GRK5: variants seen among roughly 807,000 people sequenced by gnomAD.
GRK5 encodes the protein g protein-coupled receptor kinase GRK5.
Under a neutral mutation model 78.4 loss-of-function variants are expected in GRK5, and 40 were observed. The observed-to-expected ratio is 0.51, with a 90% CI of 0.40 to 0.66. The LOEUF is 0.66. GRK5 is among the 30% of genes least tolerant of loss of function. The probability of loss-of-function intolerance (pLI) is 0.00; values close to 1 mark genes in which losing one functional copy is unlikely to be tolerated. For missense variants in GRK5, 598 were observed against 759.9 expected (o/e 0.79, Z 2.50); for synonymous variants, 289 against 296.8 (o/e 0.97, Z 0.27).
intron 4 of GRK5, among the ~76,000 whole-genome samples, chr10:119,416,313 T>A (rs376800207): frequency 1.3e-5 from 2 of 152,258 alleles, no homozygotes; most frequent in African/African-American, 4.8e-5. Context: ...TGCAGCCGCC[T>A]TGGCGACGCC....
At chr10:119,284,751 G>A (rs562259058) in intron 1 of GRK5, among the ~76,000 whole-genome samples, 21 of 152,340 alleles carry the variant, frequency 1.4e-4, no homozygotes, top group African/African-American at 4.8e-4. Flanking sequence ...GGAGGGTCAG[G>A]CCTGAGCCTG....
intron 2 of GRK5, among the ~76,000 whole-genome samples, chr10:119,362,148 C>A (rs1457946721): frequency 6.6e-6 from 1 of 152,174 alleles, no homozygotes; most frequent in Non-Finnish European, 1.5e-5. Flanking sequence ...AACCCTGTAA[C>A]AATCTGGTGT....
chr10:119,277,318 A>T (rs1041814802), intron 1 of GRK5, among the ~76,000 whole-genome samples: 1 of 152,162 alleles, frequency 6.6e-6, no homozygotes, highest in Non-Finnish European at 1.5e-5. Flanking sequence ...TGGCTCTCCA[A>T]ACTAGTTGTG....
chr10:119,232,157 A>G (rs901785042), intron 1 of GRK5, among the ~76,000 whole-genome samples: 1 of 152,252 alleles, frequency 6.6e-6, no homozygotes, highest in African/African-American at 2.4e-5. Context: ...GCCCTGAAGA[A>G]TGAAGTCTTG....
At chr10:119,222,801 AGT>A (rs1848677168) in intron 1 of GRK5, among the ~76,000 whole-genome samples, 1 of 152,176 alleles carries the variant, frequency 6.6e-6, no homozygotes, top group Admixed American at 6.5e-5. Flanking sequence ...GTCCTGTCAG[AGT>A]GTGGGAGGGA....
At chr10:119,453,100 C>G in intron 14 of GRK5, 45 bp from the exon 15 acceptor site, 1 of 1,270,348 alleles carries the variant, frequency 7.9e-7, no homozygotes, top group Non-Finnish European at 1.2e-6. Flanking sequence ...GGCTTCCTGA[C>G]TGCCCCAGTT....
At chr10:119,424,808 G>A (rs935891202) in intron 5 of GRK5, among the ~76,000 whole-genome samples, 185 bp from the exon 6 acceptor site, 11 of 152,170 alleles carry the variant, frequency 7.2e-5, no homozygotes, top group African/African-American at 2.7e-4. Context: ...CCCAACAAGT[G>A]TTGGCAGGAC....
chr10:119,259,447 A>G (rs1589706924), intron 1 of GRK5, among the ~76,000 whole-genome samples: 3 of 152,276 alleles, frequency 2.0e-5, no homozygotes, highest in African/African-American at 2.4e-5. Context: ...GTTTCTCTTC[A>G]TATGTTCCCA....
chr10:119,370,046 T>C (rs1296362143), intron 2 of GRK5, among the ~76,000 whole-genome samples: 1 of 152,150 alleles, frequency 6.6e-6, no homozygotes, highest in African/African-American at 2.4e-5. Context: ...GATGGTATAG[T>C]CCATGTCCTG....
chr10:119,448,073 A>C (rs760972538), intron 12 of GRK5, 50 bp from the exon 13 acceptor site: 1 of 1,489,780 alleles, frequency 6.7e-7, no homozygotes. Context: ...GGAGGTCCGG[A>C]CAGGAGGAGA....
chr10:119,290,590 C>T (rs1029839627), intron 1 of GRK5, among the ~76,000 whole-genome samples: 2 of 151,974 alleles, frequency 1.3e-5, no homozygotes, highest in Non-Finnish European at 1.5e-5. Flanking sequence ...GTCTTCCCTT[C>T]CCAGGTACCC....
intron 1 of GRK5, among the ~76,000 whole-genome samples, chr10:119,270,777 G>C (rs1308319421): frequency 6.6e-6 from 1 of 152,234 alleles, no homozygotes. Context: ...AGTTAAGTAG[G>C]GTTTTGTAGG....
chr10:119,390,404 C>T (rs773335341), intron 3 of GRK5, among the ~76,000 whole-genome samples: 10 of 152,180 alleles, frequency 6.6e-5, no homozygotes, highest in South Asian at 2.1e-4. Context: ...ACCATCAGAT[C>T]GGGCCAGGTG....
intron 3 of GRK5, among the ~76,000 whole-genome samples, chr10:119,386,657 C>T (rs570139124): frequency 8.5e-5 from 13 of 152,232 alleles, no homozygotes; most frequent in Non-Finnish European, 1.9e-4. Flanking sequence ...TTTTCATCTG[C>T]ATCCCTGGGA....
chr10:119,390,434 C>A (rs533987187), intron 3 of GRK5, among the ~76,000 whole-genome samples: 1 of 152,292 alleles, frequency 6.6e-6, no homozygotes, highest in South Asian at 2.1e-4. Context: ...AGCCTGTAAT[C>A]CTGTAATCCC....
rs547416493 is a variant in GRK5, at chr10:119,365,712, A to G, written c.149-15103A>G. Among the ~76,000 whole-genome samples, 66 of 152,240 alleles carry G rather than the reference A, an allele frequency of 4.3e-4. 1 individual carries two copies. The highest frequency in any genetic ancestry group is 1.6e-3 in the African/African-American group (66 of 41,542). On this transcript the variant is annotated intron_variant, in intron 2 of 15. Transcript: ENST00000392870. ...CCCACCAGGAAGATGAGGCCATCAG[A>G]CTAGCTTTCCTTTCGGTTTTCTACA...
intron 8 of GRK5, among the ~76,000 whole-genome samples, chr10:119,432,402 C>T (rs999798619): frequency 7.2e-5 from 11 of 152,194 alleles, no homozygotes; most frequent in Admixed American, 5.2e-4. Flanking sequence ...GAACTATGAT[C>T]GTGCCACTGC....
intron 1 of GRK5, among the ~76,000 whole-genome samples, chr10:119,231,622 G>A (rs577281319): frequency 5.5e-4 from 83 of 150,954 alleles, no homozygotes; most frequent in African/African-American, 9.0e-4. Flanking sequence ...CAGGAGAATC[G>A]CTTGAACCTG....
At chr10:119,391,806 T>C (rs1851892711) in intron 3 of GRK5, among the ~76,000 whole-genome samples, 1 of 152,134 alleles carries the variant, frequency 6.6e-6, no homozygotes, top group Non-Finnish European at 1.5e-5. Flanking sequence ...ATGGTGAGCA[T>C]TGTGCTGACC....
Sources: allele counts gnomAD v4.1 joint callset (sites outside exome capture counted in the v4.1 genomes callset), GRCh38; gene constraint gnomAD v4.1.1; transcripts MANE v1.5; gene names NCBI Gene and HGNC (gene_info 2026-07-23, HGNC 2026-07-21).